The following ADAMTS2 variants were observed in gnomAD, a reference collection of about 807,000 sequenced individuals.
ADAMTS2 encodes A disintegrin and metalloproteinase with thrombospondin motifs 2.
In ADAMTS2, 50 loss-of-function variants were observed where a neutral mutation model predicts 123.0. The ratio of observed to expected loss-of-function variants is 0.41; its 90% CI spans 0.32 to 0.51. ADAMTS2 has a LOEUF of 0.51. Ranked by LOEUF, ADAMTS2 falls within the 20% of genes least tolerant of loss-of-function variation. The probability of loss-of-function intolerance (pLI) is 0.35; values close to 1 mark genes in which losing one functional copy is unlikely to be tolerated. For missense variants in ADAMTS2, 1,494 were observed against 1,705.2 expected (o/e 0.88, Z 2.18); for synonymous variants, 678 against 695.4 (o/e 0.98, Z 0.39).
rs76754323 is a variant in ADAMTS2 at position 179,137,917 on chromosome 5, C to G, written c.1803G>C (p.Ser601=). The part of the protein sequence containing the change: ...PHPANGGRTC[S]GLAYDFQLCS... ...AGAGCTGGAAGTCGTAGGCAAGGCC[C>G]GAGCAGGTGCGGCCCCCGTTGGCCG... Residue 601 remains serine (S), a synonymous_variant, in exon 12 of 22, where the codon TCG becomes TCC. Transcript: ENST00000251582. 1.3e-6 allele frequency: 2 copies of G among 1,550,266 alleles called. No individual in the cohort carries two copies. The highest frequency in any genetic ancestry group is 1.7e-6 in the Non-Finnish European group (2 of 1,148,662).
At chr5:179,289,694 C>T (rs1756131392) in intron 2 of ADAMTS2, among the ~76,000 whole-genome samples, 1 of 152,140 alleles carries the variant, frequency 6.6e-6, no homozygotes, top group South Asian at 2.1e-4. Context: ...CAGTGGAATC[C>T]CAGTAGGTAA....
chr5:179,315,971 G>C (rs1019051479), intron 2 of ADAMTS2, among the ~76,000 whole-genome samples: 10 of 152,220 alleles, frequency 6.6e-5, no homozygotes, highest in Non-Finnish European at 1.3e-4. Context: ...TTACATGAAA[G>C]ATTCCAGCAT....
At chr5:179,322,487 C>A (rs1757213660) in intron 2 of ADAMTS2, among the ~76,000 whole-genome samples, 1 of 152,180 alleles carries the variant, frequency 6.6e-6, no homozygotes, top group Non-Finnish European at 1.5e-5. Flanking sequence ...TGAGGACAAA[C>A]CCTGAGCCAC....
rs567831284 is a variant in ADAMTS2 at position 179,341,357 on chromosome 5, AAAGG to A, written c.534+2406_534+2409del. The stretch of plus-strand genomic sequence containing the variant: ...ATCAAAAGGAAAGAAAGAAAGAAAA[AAAGG>A]AAGGAAGGAAGGAAGGAAAGAGAAG... On this transcript the variant is annotated intron_variant, in intron 2 of 21. Transcript: ENST00000251582. 268 of 398,906 alleles carry A rather than the reference AAAGG, an allele frequency of 6.7e-4. 1 individual carries two copies. The highest frequency in any genetic ancestry group is 1.6e-3 in the African/African-American group (76 of 46,380). The allele number at this position is 398,906 out of a possible 1,614,324, so 24.7% of individuals were successfully genotyped here. A position where few individuals can be genotyped will look rare whatever the true frequency, so the allele number is the denominator to read the frequency against.
intron 12 of ADAMTS2, 22 bp from the exon 13 acceptor site, chr5:179,136,064 G>A: frequency 6.2e-7 from 1 of 1,612,970 alleles, no homozygotes; most frequent in East Asian, 2.2e-5. Context: ...GCAGCTGGGG[G>A]TCTGCAAGGA....
chr5:179,337,481 T>A (rs153814), intron 2 of ADAMTS2, among the ~76,000 whole-genome samples: 1 of 152,006 alleles, frequency 6.6e-6, no homozygotes, highest in Non-Finnish European at 1.5e-5. Flanking sequence ...AGAGGCAACA[T>A]GTACATGCAC....
chr5:179,138,740 A>AGGGAGGCTGTCCCACTGC, intron 11 of ADAMTS2, among the ~76,000 whole-genome samples: 1 of 152,298 alleles, frequency 6.6e-6, no homozygotes, highest in South Asian at 2.1e-4. Flanking sequence ...CGTGCTGCTG[A>AGGGAGGCTGTCCCACTGC]GGGAGGCTGT....
rs556826871 is a variant in ADAMTS2 at position 179,274,386 on chromosome 5, C to T, written c.535-1322G>A. Among the ~76,000 whole-genome samples the T allele has an allele frequency of 3.9e-5, 6 of 152,358 alleles. No individual in the cohort carries two copies. In the East Asian group the frequency reaches 1.2e-3, roughly 29 times the overall value. On this transcript the variant is annotated intron_variant, in intron 2 of 21. Coordinates refer to ENST00000251582, the MANE Select transcript of ADAMTS2 (RefSeq NM_014244.5). The stretch of plus-strand genomic sequence containing the variant: ...AGAGTTCACATAAACGACCAGATTT[C>T]CAGACTCTCTTGAAAATCAGAAAAG...
intron 3 of ADAMTS2, among the ~76,000 whole-genome samples, chr5:179,252,009 C>CTTT (rs200457965): frequency 8.1e-5 from 11 of 135,754 alleles, no homozygotes; most frequent in African/African-American, 2.5e-4. Flanking sequence ...TTTTTCTTTT[C>CTTT]TTTTTTTTTT....
rs200234179 is a variant in ADAMTS2 at position 179,248,970 on chromosome 5, ATAGGT to A, written c.688+23936_688+23940del. ...TCATGTATGATGATCATTCTCCAGG[ATAGGT>A]CATATGTTAGGTCACAAAACAAGTC... is the stretch of plus-strand genomic sequence containing the variant. On this transcript the variant is annotated intron_variant, in intron 3 of 21. Coordinates refer to ENST00000251582, the MANE Select transcript of ADAMTS2 (RefSeq NM_014244.5). Among the ~76,000 whole-genome samples, 868 of 152,264 alleles carry A rather than the reference ATAGGT, an allele frequency of 5.7e-3. 11 individuals are homozygous for A. The highest frequency in any genetic ancestry group is 0.02 in the African/African-American group (830 of 41,576).
chr5:179,171,998 C>T (rs568102238), intron 5 of ADAMTS2, among the ~76,000 whole-genome samples: 2 of 152,266 alleles, frequency 1.3e-5, no homozygotes, highest in South Asian at 2.1e-4. Flanking sequence ...CCCTCGGGGC[C>T]GGGGGTAAGC....
intron 2 of ADAMTS2, among the ~76,000 whole-genome samples, chr5:179,302,150 A>T (rs1397389200): frequency 1.3e-5 from 2 of 151,824 alleles, no homozygotes; most frequent in Non-Finnish European, 2.9e-5. Context: ...CTCTCACCCC[A>T]CTGCATGTAT....
rs1335960799 is a variant in ADAMTS2, at chr5:179,234,829, C to T, written c.689-27114G>A. Among the ~76,000 whole-genome samples, 1 of 152,164 alleles carries T rather than the reference C, an allele frequency of 6.6e-6. No homozygotes were observed. Among genetic ancestry groups the T allele is most frequent in the Non-Finnish European group, 1.5e-5 (1 of 68,028 alleles). ...GCTCCCTGCCCTTCACTCCCTGTAG[C>T]TCGAGTCCTCACCTGAGCTTGCCCC... On this transcript the variant is annotated intron_variant, in intron 3 of 21. Transcript: ENST00000251582. The surrounding 1 kb of genome is among the most constrained non-coding windows in gnomAD (Gnocchi z 4.7).
intron 3 of ADAMTS2, among the ~76,000 whole-genome samples, chr5:179,237,220 G>A (rs1477162546): frequency 6.6e-6 from 1 of 152,222 alleles, no homozygotes; most frequent in East Asian, 1.9e-4. Context: ...CTAGGATCGT[G>A]CCACTGCACT....
chr5:179,345,382 C>A lies in ADAMTS2; in HGVS notation c.-54G>T. ...ACTCGCAGCCGGCGCGAAAGTTCCC[C>A]GCGAGCCGCCCAGCCCACATCTGGG... On this transcript the variant is annotated 5_prime_UTR_variant, in exon 1 of 22. Coordinates refer to ENST00000251582, the MANE Select transcript of ADAMTS2 (RefSeq NM_014244.5). This position sits in a 1 kb window ranked among gnomAD's most constrained non-coding sequence, Gnocchi z 7.5. 1 of 1,106,236 alleles carries A rather than the reference C, an allele frequency of 9.0e-7. No homozygotes were observed. Among genetic ancestry groups the A allele is most frequent in the Non-Finnish European group, 1.1e-6 (1 of 907,486 alleles). The allele number at this position is 1,106,236 out of a possible 1,614,324, so 68.5% of individuals were successfully genotyped here. A position where few individuals can be genotyped will look rare whatever the true frequency, so the allele number is the denominator to read the frequency against.
rs1323494915 is a variant in ADAMTS2 at position 179,170,198 on chromosome 5, T to A, written c.975+10874A>T. On this transcript the variant is annotated intron_variant, in intron 5 of 21. Coordinates refer to ENST00000251582, the MANE Select transcript of ADAMTS2 (RefSeq NM_014244.5). The surrounding 1 kb of genome is among the most constrained non-coding windows in gnomAD (Gnocchi z 4.3). ...CTTCTCATAAGCTAGAAGACAAACA[T>A]GTCACTCAAACAAGTGCTACCAATT... Among the ~76,000 whole-genome samples the A allele has an allele frequency of 1.3e-5, 2 of 152,202 alleles. No homozygotes were observed. The highest frequency in any genetic ancestry group is 4.8e-5 in the African/African-American group (2 of 41,444).
In ADAMTS2 at chr5:179,188,469, G is replaced by T. The variant is rs563405253; in HGVS notation, c.892-7314C>A. 1.1e-4 allele frequency among the ~76,000 whole-genome samples: 17 copies of T among 152,178 alleles called. No individual in the cohort carries two copies. The highest frequency in any genetic ancestry group is 2.5e-4 in the Non-Finnish European group (17 of 68,030). The stretch of plus-strand genomic sequence containing the variant: ...TAGGCATTGCATGGTGCCTAAACGG[G>T]GCTGCCAGAGCCTGGGCTTATCATG... On this transcript the variant is annotated intron_variant, in intron 4 of 21. Coordinates refer to ENST00000251582, the MANE Select transcript of ADAMTS2 (RefSeq NM_014244.5). The surrounding 1 kb of genome is among the most constrained non-coding windows in gnomAD (Gnocchi z 5.1).
At chr5:179,151,808 GCCT>G (rs1763360929) in intron 10 of ADAMTS2, among the ~76,000 whole-genome samples, 1 of 152,172 alleles carries the variant, frequency 6.6e-6, no homozygotes, top group Admixed American at 6.5e-5. Flanking sequence ...TCCAATGCTG[GCCT>G]CCAGGTGAGG....
At chr5:179,276,869 G>A (rs1462640914) in intron 2 of ADAMTS2, among the ~76,000 whole-genome samples, 1 of 152,204 alleles carries the variant, frequency 6.6e-6, no homozygotes, top group Non-Finnish European at 1.5e-5. Flanking sequence ...AGGCCCTGGG[G>A]TTATTCTGGA....
Sources: allele counts gnomAD v4.1 joint callset (sites outside exome capture counted in the v4.1 genomes callset), GRCh38; gene constraint gnomAD v4.1.1; non-coding constraint Gnocchi (gnomAD v3.1); transcripts MANE v1.5; gene names NCBI Gene and HGNC (gene_info 2026-07-23, HGNC 2026-07-21).